Variants in AFTPH observed in about 807,000 individuals in gnomAD.
AFTPH encodes aftiphilin protein.
In AFTPH, 7 loss-of-function variants were observed where a neutral mutation model predicts 72.5. The ratio of observed to expected loss-of-function variants is 0.10; its 90% CI spans 0.05 to 0.18. The LOEUF (loss-of-function observed/expected upper bound fraction) is 0.18, where lower values mean the gene tolerates loss of function less well. Among genes scored for constraint, AFTPH ranks in the 10% least tolerant of loss-of-function variants. The pLI, the probability that AFTPH is intolerant of heterozygous loss-of-function variation, is 1.00. For synonymous variants in AFTPH, 337 were observed against 370.1 expected (o/e 0.91, Z 1.03); for missense variants, 979 against 1,060.5 (o/e 0.92, Z 1.07).
At chr2:64,524,886 C>A (rs975355762) in intron 1 of AFTPH, among the ~76,000 whole-genome samples, 10 of 152,256 alleles carry the variant, frequency 6.6e-5, no homozygotes, top group African/African-American at 2.4e-4. Context: ...TCCTTCCCTC[C>A]CCGGCCACCG....
chr2:64,575,355 G>T (rs1031437825), intron 6 of AFTPH, among the ~76,000 whole-genome samples: 18 of 152,224 alleles, frequency 1.2e-4, no homozygotes, highest in African/African-American at 4.3e-4. Flanking sequence ...AGCAGGCTTG[G>T]TGGCTCATGC....
chr2:64,576,989 C>T (rs1385134162), intron 6 of AFTPH, among the ~76,000 whole-genome samples: 1 of 152,062 alleles, frequency 6.6e-6, no homozygotes. Context: ...AAACTCCTGA[C>T]CTCAAGTGAT....
At chr2:64,555,575 AC>A (rs1671306825) in intron 2 of AFTPH, among the ~76,000 whole-genome samples, 1 of 151,180 alleles carries the variant, frequency 6.6e-6, no homozygotes, top group African/African-American at 2.4e-5. Flanking sequence ...ACACACACAC[AC>A]ACACACACAC....
intron 1 of AFTPH, among the ~76,000 whole-genome samples, chr2:64,541,016 T>C (rs1345442150): frequency 6.6e-6 from 1 of 152,306 alleles, no homozygotes; most frequent in East Asian, 1.9e-4. Context: ...AAGACACTTA[T>C]AAAATGTTTG....
intron 6 of AFTPH, among the ~76,000 whole-genome samples, chr2:64,578,255 T>TA (rs1672942254): frequency 1.3e-5 from 2 of 152,152 alleles, no homozygotes; most frequent in Non-Finnish European, 2.9e-5. Context: ...CTTACCTACC[T>TA]ACGCAGAAAA....
intron 5 of AFTPH, among the ~76,000 whole-genome samples, chr2:64,571,392 C>T (rs369664563): frequency 1.3e-5 from 2 of 152,056 alleles, no homozygotes; most frequent in East Asian, 1.9e-4. Context: ...TTAAAGTGAT[C>T]GTTCAAATTA....
rs537243587 is a variant in AFTPH, at chr2:64,574,303, T to G, written c.2394+1235T>G. 5.9e-5 allele frequency among the ~76,000 whole-genome samples: 9 copies of G among 152,288 alleles called. No homozygotes were observed. In the South Asian group the frequency reaches 1.9e-3, roughly 32 times the overall value. On this transcript the variant is annotated intron_variant, in intron 6 of 8. Transcript: ENST00000238856. ...AAAATGTGTTCCCATTGAACATTAA[T>G]CCCCAGAGGTGGTCCACTGAAGGGT... is the stretch of plus-strand genomic sequence containing the variant.
chr2:64,556,761 C>CT (rs1156262586), intron 2 of AFTPH, among the ~76,000 whole-genome samples: 2 of 152,180 alleles, frequency 1.3e-5, no homozygotes, highest in East Asian at 1.9e-4. Context: ...TGTTCGTAGT[C>CT]TAATTCTCAG....
At chr2:64,592,197 T>G (rs1220409122) in exon 9 of AFTPH, 1 of 571,074 alleles carries the variant, frequency 1.8e-6, no homozygotes, top group Admixed American at 3.4e-5. Flanking sequence ...AATGTATATT[T>G]ATTTACATAC....
intron 7 of AFTPH, chr2:64,580,047 T>G (rs2104182065): frequency 6.5e-6 from 1 of 152,814 alleles, no homozygotes; most frequent in East Asian, 1.9e-4. Flanking sequence ...GAAAATAAAT[T>G]TCACGATCCT....
At chr2:64,528,331 C>T (rs543861401) in intron 1 of AFTPH, among the ~76,000 whole-genome samples, 1 of 152,250 alleles carries the variant, frequency 6.6e-6, no homozygotes, top group East Asian at 1.9e-4. Context: ...ATTTGTCCGG[C>T]CCTGTTCTAG....
At chr2:64,545,875 G>GTT (rs577516093) in intron 1 of AFTPH, among the ~76,000 whole-genome samples, 232 of 151,076 alleles carry the variant, frequency 1.5e-3, no homozygotes, top group African/African-American at 5.5e-3. Flanking sequence ...ACAAACGCAA[G>GTT]TTTTTTTTTG....
At chr2:64,543,541 T>A (rs1670383600) in intron 1 of AFTPH, among the ~76,000 whole-genome samples, 1 of 152,238 alleles carries the variant, frequency 6.6e-6, no homozygotes, top group Non-Finnish European at 1.5e-5. Flanking sequence ...ATCTGGAGCT[T>A]ATTTCTGTAT....
chr2:64,542,899 T>C (rs1451239421), intron 1 of AFTPH, among the ~76,000 whole-genome samples: 2 of 152,208 alleles, frequency 1.3e-5, no homozygotes, highest in Non-Finnish European at 2.9e-5. Context: ...AATATAATGG[T>C]AGTTGATCAT....
At chr2:64,566,219 G>A (rs534679207) in intron 2 of AFTPH, among the ~76,000 whole-genome samples, 13 of 152,262 alleles carry the variant, frequency 8.5e-5, no homozygotes, top group African/African-American at 3.1e-4. Flanking sequence ...CAGGCCTTGG[G>A]ATCTTGAGGC....
chr2:64,584,353 C>A (rs1172709567), intron 7 of AFTPH, among the ~76,000 whole-genome samples: 4 of 151,908 alleles, frequency 2.6e-5, no homozygotes, highest in Non-Finnish European at 5.9e-5. Context: ...TTTTTTAAAT[C>A]AATTTTTGCA....
exon 1 of AFTPH, chr2:64,524,565 C>T: frequency 2.5e-6 from 1 of 399,022 alleles, no homozygotes; most frequent in South Asian, 1.3e-4. Flanking sequence ...GTCAGTTCCT[C>T]CCCGGGCCCC....
chr2:64,565,270 G>A (rs1308742063), intron 2 of AFTPH, among the ~76,000 whole-genome samples: 7 of 152,092 alleles, frequency 4.6e-5, no homozygotes, highest in South Asian at 4.2e-4. Context: ...GAGGTCAGGA[G>A]ATGGAGACCA....
intron 8 of AFTPH, among the ~76,000 whole-genome samples, chr2:64,585,849 T>A (rs1673472705): frequency 7.3e-6 from 1 of 137,820 alleles, no homozygotes; most frequent in Non-Finnish European, 1.5e-5. Flanking sequence ...CATAAAGCCA[T>A]TATAGAAACA....
Sources: gnomAD v4.1 joint callset for allele counts (sites outside exome capture counted in the v4.1 genomes callset) on GRCh38, gnomAD v4.1.1 for gene constraint, MANE v1.5 for transcripts, NCBI Gene and HGNC (gene_info 2026-07-23, HGNC 2026-07-21) for gene names.